MPP2: variants seen among roughly 807,000 people sequenced by gnomAD.
The protein encoded by MPP2 is MAGUK p55 scaffold protein 2.
MPP2 carries 42 observed loss-of-function variants against 58.5 expected under a neutral mutation model. The observed-to-expected ratio is 0.72, with a 90% confidence interval of 0.56 to 0.93. The LOEUF (loss-of-function observed/expected upper bound fraction) is 0.93. MPP2 is among the 40% of genes least tolerant of loss of function. The pLI is 0.00. For missense variants in MPP2, 632 were observed against 760.4 expected (o/e 0.83, Z 1.99); for synonymous variants, 300 against 307.8 (o/e 0.97, Z 0.26).
At chr17:43,898,197 C>A (rs752471987) in intron 3 of MPP2, 65 bp downstream of exon 3, 1 of 1,230,344 alleles carries the variant, frequency 8.1e-7, no homozygotes, top group African/African-American at 1.5e-5. Context: ...GTAGCTAATA[C>A]CCCATCCCCT....
Position 43,883,323 on chromosome 17 carries a change from CT to C in MPP2, c.182del (p.Glu61GlyfsTer3). On this transcript the variant is annotated frameshift_variant, in exon 4 of 13. Transcript: ENST00000269095. LOFTEE classifies it high-confidence loss of function. The part of the protein sequence containing the change: ...AHERLEETKL[E>X]AVRDNNLELV... ...GCTCCAGGTTGTTGTCTCTCACGGCCTCCAGCTTCGTCTCCTCCAGCCTCTC... is the reference window on the plus strand; with the variant it reads ...GCTCCAGGTTGTTGTCTCTCACGGCCCCAGCTTCGTCTCCTCCAGCCTCTC... 6.2e-7 allele frequency: 1 copy of C among 1,612,726 alleles called. No individual in the cohort carries two copies. Among genetic ancestry groups the C allele is most frequent in the Non-Finnish European group, 8.5e-7 (1 of 1,179,952 alleles).
chr17:43,905,345 G>C (rs2048248481), intron 1 of MPP2: 1 of 152,288 alleles, frequency 6.6e-6, no homozygotes, highest in South Asian at 2.1e-4. Context: ...ATTTATCTGG[G>C]GGGCTGACAG....
chr17:43,904,347 G>A, intron 2 of MPP2, 83 bp downstream of exon 2: 1 of 1,328,464 alleles, frequency 7.5e-7, no homozygotes, highest in Non-Finnish European at 1.1e-6. Context: ...CTTATCTGGA[G>A]CTGTGCAAGT....
rs944118549 is a variant in MPP2, at chr17:43,900,341, G to A, written c.32-1961C>T. On this transcript the variant is annotated intron_variant, in intron 2 of 12. Transcript: ENST00000269095. ...CAAGGGAGTTGGTGCCCTCTGCCCA[G>A]GACAGCTCTCCTGAAGGTGCCCTCA... 8.6e-6 allele frequency: 9 copies of A among 1,043,972 alleles called. No individual in the cohort carries two copies. The Admixed American group carries it at 2.1e-4, about 24-fold the overall frequency. The allele number at this position is 1,043,972 out of a possible 1,614,324, so 64.7% of individuals were successfully genotyped here.
Position 43,880,669 on chromosome 17 carries a change from G to C in MPP2, c.1150+22C>G. ...AGCCCTGCTCCTTGTCCCCAACTCA[G>C]CAGGGCCCAGCTCCCACTCACAGGG... is the stretch of plus-strand genomic sequence containing the variant. On this transcript the variant is annotated intron_variant, in intron 10 of 12. Transcript: ENST00000269095. This position sits in a 1 kb window ranked among gnomAD's most constrained non-coding sequence, Gnocchi z 5.2. The C allele has an allele frequency of 6.3e-7, 1 of 1,583,100 alleles. No homozygotes were observed. The highest frequency in any genetic ancestry group is 8.6e-7 in the Non-Finnish European group (1 of 1,160,718).
intron 3 of MPP2, among the ~76,000 whole-genome samples, chr17:43,888,095 A>G (rs1166426029): frequency 6.6e-6 from 1 of 152,150 alleles, no homozygotes; most frequent in Non-Finnish European, 1.5e-5. Context: ...AGATGGTGAG[A>G]TTTGAGTAAT....
intron 3 of MPP2, among the ~76,000 whole-genome samples, chr17:43,893,201 A>G (rs1190263113): frequency 6.6e-6 from 1 of 152,202 alleles, no homozygotes; most frequent in Non-Finnish European, 1.5e-5. Flanking sequence ...TGCCATCACA[A>G]AGCAGAGTCT....
rs775878436 is a variant in MPP2, at chr17:43,879,410, AAGG to A, written c.1354-10_1354-8del. ...TTCGTAGCACCTTCACCGCCTGCAG[AAGG>A]AGAAGGCAAGGTAGGGAGTATATCC... On this transcript the variant is annotated splice_polypyrimidine_tract_variant and splice_region_variant and intron_variant, in intron 11 of 12. Transcript: ENST00000269095. The surrounding 1 kb of genome is among the most constrained non-coding windows in gnomAD (Gnocchi z 4.1). The A allele has an allele frequency of 1.2e-6, 2 of 1,613,858 alleles. No homozygotes were observed. Among genetic ancestry groups the A allele is most frequent in the African/African-American group, 2.7e-5 (2 of 74,900 alleles).
At chr17:43,881,851 C>CT (rs993911659) in intron 6 of MPP2, among the ~76,000 whole-genome samples, 5 of 152,268 alleles carry the variant, frequency 3.3e-5, no homozygotes, top group Admixed American at 1.3e-4. Flanking sequence ...TCCTGGATCC[C>CT]TCCCTCCACT....
At chr17:43,891,748 TAAAG>T (rs1340034644) in intron 3 of MPP2, among the ~76,000 whole-genome samples, 2 of 152,060 alleles carry the variant, frequency 1.3e-5, no homozygotes, top group Non-Finnish European at 2.9e-5. Flanking sequence ...AATAAATACA[TAAAG>T]AAATATTAAT....
Position 43,882,352 on chromosome 17 carries a change from G to T in MPP2, c.613C>A (p.Arg205Ser), listed in dbSNP as rs544561497. The T allele has an allele frequency of 6.2e-7, 1 of 1,612,348 alleles. No homozygotes were observed. The highest frequency in any genetic ancestry group is 8.5e-7 in the Non-Finnish European group (1 of 1,179,952). The change falls in exon 6 of 13, where the codon CGC (arginine) becomes AGC (serine). Residue 205 changes from arginine to serine, a missense_variant. Coordinates refer to ENST00000269095, the MANE Select transcript of MPP2 (RefSeq NM_005374.5). The part of the protein sequence containing the change: ...SDPRALQELL[R>S]NASGSVILKI... Reference sequence around the variant, plus strand: ...AGGATGACACTGCCACTGGCATTGCGCAGGAGCTCCTGCAGTGCGCGGGGG... The same window carrying T: ...AGGATGACACTGCCACTGGCATTGCTCAGGAGCTCCTGCAGTGCGCGGGGG...
chr17:43,881,505 C>T lies in MPP2; in HGVS notation c.766G>A (p.Gly256Arg), dbSNP rs765404326. The T allele has an allele frequency of 4.3e-6, 7 of 1,614,102 alleles. No individual in the cohort carries two copies. Among genetic ancestry groups the T allele is most frequent in the Middle Eastern group, 1.7e-4 (1 of 6,060 alleles). Residue 256 changes from glycine (G) to arginine (R), a missense_variant, in exon 7 of 13, where the codon GGG becomes AGG. Coordinates refer to ENST00000269095, the MANE Select transcript of MPP2 (RefSeq NM_005374.5). ...TGGTTTACGATCTGGAGCAAGTCCCCGGCGTTGAAGCGCAGGCCTGCTTCC... is the reference window on the plus strand; with the variant it reads ...TGGTTTACGATCTGGAGCAAGTCCCTGGCGTTGAAGCGCAGGCCTGCTTCC... ...CKEAGLRFNA[G>R]DLLQIVNQDD...
chr17:43,881,175 G>T lies in MPP2; in HGVS notation c.920-17C>A. 1 of 1,614,020 alleles carries T rather than the reference G, an allele frequency of 6.2e-7. No homozygotes were observed. The highest frequency in any genetic ancestry group is 1.3e-5 in the African/African-American group (1 of 75,006). ...ATAGGGTCCCTGGCCATAGGGAGATGGGTGAGTGAGGCAGACAGGGCCCTG... is the reference window on the plus strand; with the variant it reads ...ATAGGGTCCCTGGCCATAGGGAGATTGGTGAGTGAGGCAGACAGGGCCCTG... On this transcript the variant is annotated splice_polypyrimidine_tract_variant and intron_variant, in intron 8 of 12. Coordinates refer to ENST00000269095, the MANE Select transcript of MPP2 (RefSeq NM_005374.5).
chr17:43,891,347 C>T (rs2047597309), intron 3 of MPP2, among the ~76,000 whole-genome samples: 1 of 150,800 alleles, frequency 6.6e-6, no homozygotes, highest in South Asian at 2.1e-4. Flanking sequence ...TGGTGAAACC[C>T]CATCTCTACT....
intron 3 of MPP2, among the ~76,000 whole-genome samples, chr17:43,890,111 C>T (rs1305611274): frequency 2.0e-5 from 3 of 151,940 alleles, no homozygotes; most frequent in African/African-American, 4.8e-5. Flanking sequence ...CGCACCCGGC[C>T]GTATTTTCTA....
At position 43,875,810 on chromosome 17, in the gene MPP2, G is replaced by A. The variant is rs1050728334; in HGVS notation, c.*1997C>T. ...AGGTACCCAACCCATCTCCATCAGA[G>A]ATGATGGTCATTTGGATCAAGGGGG... On this transcript the variant is annotated 3_prime_UTR_variant, in exon 13 of 13. Coordinates refer to ENST00000269095, the MANE Select transcript of MPP2 (RefSeq NM_005374.5). 10 of 152,224 alleles carry A rather than the reference G, an allele frequency of 6.6e-5. No homozygotes were observed. The highest frequency in any genetic ancestry group is 2.2e-4 in the African/African-American group (9 of 41,446). The allele number at this position is 152,224 out of a possible 1,614,324, so 9.4% of individuals were successfully genotyped here.
chr17:43,888,183 A>G (rs1233120074), intron 3 of MPP2, among the ~76,000 whole-genome samples: 2 of 152,186 alleles, frequency 1.3e-5, no homozygotes, highest in Non-Finnish European at 2.9e-5. Flanking sequence ...TAAAGGTTAG[A>G]TGCTTTCTGC....
At chr17:43,885,449 A>G (rs1415171518) in intron 3 of MPP2, among the ~76,000 whole-genome samples, 1 of 152,144 alleles carries the variant, frequency 6.6e-6, no homozygotes, top group Non-Finnish European at 1.5e-5. Flanking sequence ...AGGAGATAGT[A>G]TTTAGAAACC....
At position 43,877,697 on chromosome 17, in the gene MPP2, C is replaced by T; in HGVS notation, c.*110G>A. 1 of 960,708 alleles carries T rather than the reference C, an allele frequency of 1.0e-6. No individual in the cohort carries two copies. The highest frequency in any genetic ancestry group is 2.0e-5 in the Admixed American group (1 of 51,008). 59.5% of individuals were successfully genotyped at this position (960,708 alleles called of 1,614,324 possible). A position where few individuals can be genotyped will look rare whatever the true frequency, so the allele number is the denominator to read the frequency against. On this transcript the variant is annotated 3_prime_UTR_variant, in exon 13 of 13. Coordinates refer to ENST00000269095, the MANE Select transcript of MPP2 (RefSeq NM_005374.5). Reference sequence around the variant, plus strand: ...CCTGCTGGGAGCTGTTACCCAAGGACAGCCAGATATGGGGGCTAAGGATTG... The same window carrying T: ...CCTGCTGGGAGCTGTTACCCAAGGATAGCCAGATATGGGGGCTAAGGATTG...
Sources: allele counts gnomAD v4.1 joint callset (sites outside exome capture counted in the v4.1 genomes callset), GRCh38; gene constraint gnomAD v4.1.1; non-coding constraint Gnocchi (gnomAD v3.1); transcripts MANE v1.5; gene names NCBI Gene and HGNC (gene_info 2026-07-23, HGNC 2026-07-21).